The following MAP7D2 variants were observed in gnomAD, a reference collection of about 807,000 sequenced individuals.
MAP7D2 encodes MAP7 domain containing 2.
In MAP7D2, 33 loss-of-function variants were observed where a neutral mutation model predicts 63.5. The observed-to-expected ratio is 0.52, with a 90% confidence interval of 0.39 to 0.70. MAP7D2 has a LOEUF of 0.70. Among genes scored for constraint, MAP7D2 ranks in the 30% least tolerant of loss-of-function variants. MAP7D2 has a pLI of 0.00. For missense variants in MAP7D2, 626 were observed against 604.0 expected (o/e 1.04, Z -0.38); for synonymous variants, 224 against 223.7 (o/e 1.00, Z -0.01).
At chrX:20,044,559 A>G (rs778229382) in intron 6 of MAP7D2, 35 bp from the exon 7 acceptor site, 48 of 1,164,092 alleles carry the variant, frequency 4.1e-5, no homozygotes, top group Admixed American at 2.0e-4. Flanking sequence ...AGAAGGACAG[A>G]GAGTACAGAT....
chrX:20,111,346 T>G (rs1213468585), intron 1 of MAP7D2, among the ~76,000 whole-genome samples: 2 of 112,231 alleles, frequency 1.8e-5, no homozygotes, highest in African/African-American at 6.5e-5. Flanking sequence ...TACATTACAT[T>G]CAGGTTCTGA....
At position 20,011,010 on chromosome X, in the gene MAP7D2, T is replaced by C. The variant is rs933958484; in HGVS notation, c.2115A>G (p.Ser705=). The stretch of plus-strand genomic sequence containing the variant: ...CCCCAGGAATCATTTCACTCACTGG[T>C]GAAAATTCCGGGATAGAGATAAGCT... The part of the protein sequence containing the change: ...KEELISIPEF[S]PVSEMIPGVS... The change falls in exon 16 of 17, where the codon TCA becomes TCG. Residue 705 remains serine (S), a synonymous_variant. Coordinates refer to ENST00000379643, the MANE Select transcript of MAP7D2 (RefSeq NM_001168465.2). 4.1e-6 allele frequency: 5 copies of C among 1,208,323 alleles called. No homozygotes were observed. In the Admixed American group the frequency reaches 8.8e-5, roughly 21 times the overall value.
chrX:20,013,219 T>G, intron 13 of MAP7D2, 87 bp from the exon 14 acceptor site: 1 of 684,116 alleles, frequency 1.5e-6, no homozygotes. Context: ...CGATGATATT[T>G]TGAGCCTGGA....
chrX:20,060,357 A>AC (rs1332279817), intron 3 of MAP7D2, among the ~76,000 whole-genome samples: 2 of 107,475 alleles, frequency 1.9e-5, no homozygotes, highest in Non-Finnish European at 3.8e-5. Flanking sequence ...GCAGGGACAC[A>AC]CCCCCAGCGG....
intron 8 of MAP7D2, among the ~76,000 whole-genome samples, chrX:20,035,460 C>A (rs1485242479): frequency 8.9e-6 from 1 of 112,026 alleles, no homozygotes; most frequent in Admixed American, 9.5e-5. Flanking sequence ...CTACTATGTG[C>A]CTACTAGTGT....
At chrX:20,039,469 G>A (rs2064590200) in intron 8 of MAP7D2, among the ~76,000 whole-genome samples, 1 of 112,145 alleles carries the variant, frequency 8.9e-6, no homozygotes, top group African/African-American at 3.2e-5. Flanking sequence ...CTTATTATTT[G>A]TCTTTATTTG....
chrX:20,099,235 ACTCTCTCTCTCTCTCTCTCTCT>A (rs72039188), intron 1 of MAP7D2, among the ~76,000 whole-genome samples: 1 of 93,632 alleles, frequency 1.1e-5, no homozygotes, highest in Non-Finnish European at 2.1e-5. Context: ...GCAAGTTTAT[ACTCTCTCTCTCTCTCTCTCTCT>A]CTCTCTCTCT....
At chrX:20,060,295 C>T (rs962480457) in intron 3 of MAP7D2, among the ~76,000 whole-genome samples, 8 of 110,299 alleles carry the variant, frequency 7.3e-5, no homozygotes, top group African/African-American at 2.7e-4. Flanking sequence ...GCTGGGATTA[C>T]AGGCATAAGC....
chrX:20,055,780 G>A, intron 4 of MAP7D2: 1 of 999,821 alleles, frequency 1.0e-6, no homozygotes, highest in East Asian at 6.4e-5. Context: ...CATCCGGAGG[G>A]AGGGTGCTGG....
rs2073057205 is a variant in MAP7D2 at position 20,007,933 on chromosome X, C to A, written c.*492G>T. 1 of 112,114 alleles carries A rather than the reference C, an allele frequency of 8.9e-6. No individual in the cohort carries two copies. Among genetic ancestry groups the A allele is most frequent in the Admixed American group, 9.5e-5 (1 of 10,553 alleles). 9.2% of individuals were successfully genotyped at this position (112,114 alleles called of 1,213,427 possible). A position where few individuals can be genotyped will look rare whatever the true frequency, so the allele number is the denominator to read the frequency against. ...ACAGAGAAACTCTGGAGATGGGGAA[C>A]CTCCTGAATTTCTTCTCTGTCTCAA... On this transcript the variant is annotated 3_prime_UTR_variant, in exon 17 of 17. Coordinates refer to ENST00000379643, the MANE Select transcript of MAP7D2 (RefSeq NM_001168465.2).
At chrX:20,031,013 G>A (rs1330490630) in intron 8 of MAP7D2, among the ~76,000 whole-genome samples, 1 of 112,018 alleles carries the variant, frequency 8.9e-6, no homozygotes, top group Non-Finnish European at 1.9e-5. Flanking sequence ...AAGGTCAGCC[G>A]GGTGCAGTGG....
rs953547609 is a variant in MAP7D2 at position 20,047,649 on chromosome X, A to C, written c.719-3125T>G. On this transcript the variant is annotated intron_variant, in intron 6 of 16. Coordinates refer to ENST00000379643, the MANE Select transcript of MAP7D2 (RefSeq NM_001168465.2). ...CAACATAGGAAGACCCTATCTCTACAAAAAAAAAAAAAAAAAATTAGCTAA... is the reference window on the plus strand; with the variant it reads ...CAACATAGGAAGACCCTATCTCTACCAAAAAAAAAAAAAAAAATTAGCTAA... Among the ~76,000 whole-genome samples the C allele has an allele frequency of 5.8e-4, 29 of 49,846 alleles. No individual in the cohort carries two copies. In the East Asian group the frequency reaches 7.8e-3, roughly 13 times the overall value. 43.3% of individuals were successfully genotyped at this position (49,846 alleles called of 115,157 possible).
rs1412642826 is a variant in MAP7D2, at chrX:20,050,903, C to T, written c.639G>A (p.Ser213=). The change falls in exon 6 of 17, where the codon TCG becomes TCA. Residue 213 remains serine, a synonymous_variant. Coordinates refer to ENST00000379643, the MANE Select transcript of MAP7D2 (RefSeq NM_001168465.2). ...HLSPMEAILV[S]RLLTPTQSSL... ...AAGACTGTGTGGGTGTCAACAGTCG[C>T]GAAACAAGAATGGCTTCCATTGGAC... is the stretch of plus-strand genomic sequence containing the variant. 23 of 1,172,964 alleles carry T rather than the reference C, an allele frequency of 2.0e-5. No homozygotes were observed. Among genetic ancestry groups the T allele is most frequent in the South Asian group, 9.5e-5 (5 of 52,667 alleles).
chrX:20,069,858 C>T (rs943378874), intron 1 of MAP7D2, among the ~76,000 whole-genome samples: 5 of 107,919 alleles, frequency 4.6e-5, no homozygotes, highest in Admixed American at 3.0e-4. Context: ...ACTGCAGCCT[C>T]GAACTCCTGG....
At chrX:20,080,357 TCAA>T (rs1365670758) in intron 1 of MAP7D2, among the ~76,000 whole-genome samples, 1 of 110,029 alleles carries the variant, frequency 9.1e-6, no homozygotes, top group Non-Finnish European at 1.9e-5. Context: ...TGCCTGTTCT[TCAA>T]CAACAAGAAT....
chrX:20,064,440 T>G (rs1054539599), intron 2 of MAP7D2, among the ~76,000 whole-genome samples: 1 of 112,201 alleles, frequency 8.9e-6, no homozygotes, highest in Admixed American at 9.4e-5. Context: ...GTGTTAGGAC[T>G]TCCTTAGATC....
At chrX:20,040,450 G>A (rs779434477) in intron 8 of MAP7D2, among the ~76,000 whole-genome samples, 1 of 111,651 alleles carries the variant, frequency 9.0e-6, no homozygotes, top group Non-Finnish European at 1.9e-5. Flanking sequence ...TGGCTAACTG[G>A]TGCCAGAGGC....
chrX:20,034,408 C>A lies in MAP7D2; in HGVS notation c.1007+8094G>T, dbSNP rs946926332. Among the ~76,000 whole-genome samples, 3 of 109,872 alleles carry A rather than the reference C, an allele frequency of 2.7e-5. No homozygotes were observed. In the Admixed American group the frequency reaches 2.9e-4, roughly 11 times the overall value. On this transcript the variant is annotated intron_variant, in intron 8 of 16. Coordinates refer to ENST00000379643, the MANE Select transcript of MAP7D2 (RefSeq NM_001168465.2). ...ACATTTTCCCTATCTGCCAGGTGAC[C>A]CTGCCCTTGCCCCCCAGCTTCTCCT...
chrX:20,054,702 C>G (rs1289756040), intron 4 of MAP7D2, among the ~76,000 whole-genome samples: 1 of 111,604 alleles, frequency 9.0e-6, no homozygotes, highest in Non-Finnish European at 1.9e-5. Flanking sequence ...TTGCCTCAGC[C>G]TCCTGAGTAG....
Sources: allele counts gnomAD v4.1 joint callset (sites outside exome capture counted in the v4.1 genomes callset), GRCh38; gene constraint gnomAD v4.1.1; transcripts MANE v1.5; gene names NCBI Gene and HGNC (gene_info 2026-07-23, HGNC 2026-07-21).